Variants in RASEF observed in about 807,000 individuals in gnomAD.
The protein encoded by RASEF is RAS and EF-hand domain containing, also known as ras and EF-hand domain-containing protein.
RASEF carries 68 observed loss-of-function variants against 90.1 expected under a neutral mutation model. The ratio of observed to expected loss-of-function variants is 0.75; its 90% confidence interval spans 0.62 to 0.92. The LOEUF (loss-of-function observed/expected upper bound fraction) is 0.92. Ranked by LOEUF, RASEF falls within the 40% of genes least tolerant of loss-of-function variation. The probability of loss-of-function intolerance (pLI) is 0.00; values close to 1 mark genes in which losing one functional copy is unlikely to be tolerated. For missense variants in RASEF, 949 were observed against 937.2 expected, an observed-to-expected ratio of 1.01 and a Z score of -0.16; for synonymous variants, 331 against 345.2, an observed-to-expected ratio of 0.96 and a Z score of 0.46.
the RASEF span, among the ~76,000 whole-genome samples, chr9:83,189,966 A>G: frequency 5.9e-5 from 9 of 151,940 alleles, no homozygotes; most frequent in Middle Eastern, 3.4e-3. Flanking sequence ...TTCTTCTCTC[A>G]CTCTGGAGTG....
the RASEF span, among the ~76,000 whole-genome samples, chr9:83,165,141 C>T: frequency 6.6e-6 from 1 of 152,042 alleles, no homozygotes; most frequent in African/African-American, 2.4e-5. Flanking sequence ...ACAACACCAC[C>T]ATCAATTGAC....
the RASEF span, among the ~76,000 whole-genome samples, chr9:83,164,698 A>G: frequency 6.6e-6 from 1 of 151,834 alleles, no homozygotes; most frequent in South Asian, 2.1e-4. Flanking sequence ...TAATATCAGT[A>G]ACTTTAAACA....
chr9:83,100,221 TG>T, the RASEF span, among the ~76,000 whole-genome samples: 2 of 152,222 alleles, frequency 1.3e-5, no homozygotes, highest in Admixed American at 6.5e-5. Flanking sequence ...CAACTTTTAA[TG>T]AATAACTTCT....
At chr9:83,171,200 C>T in the RASEF span, among the ~76,000 whole-genome samples, 9 of 151,560 alleles carry the variant, frequency 5.9e-5, no homozygotes, top group Admixed American at 5.9e-4. Context: ...ATATTTTGCC[C>T]TTGATTCTAT....
chr9:83,061,803 T>C (rs1830204374), intron 1 of RASEF, among the ~76,000 whole-genome samples: 1 of 152,206 alleles, frequency 6.6e-6, no homozygotes, highest in Admixed American at 6.5e-5. Flanking sequence ...GGGTCAAATC[T>C]CTGCTGTTTA....
At chr9:83,039,428 G>A (rs1189526996) in intron 1 of RASEF, among the ~76,000 whole-genome samples, 5 of 152,158 alleles carry the variant, frequency 3.3e-5, no homozygotes, top group African/African-American at 9.7e-5. Context: ...AGGGCTCAAC[G>A]TGAACTGATG....
Position 82,982,399 on chromosome 9 carries a change from C to CTT in RASEF, c.*276_*277dup, listed in dbSNP as rs200364661. On this transcript the variant is annotated 3_prime_UTR_variant, in exon 17 of 17. Transcript: ENST00000376447. ...CTGAGCATGTGATTTCTTTTCTTTTCTTTTTTTTTACCATTTTAAAAACAT... is the reference window on the plus strand; with the variant it reads ...CTGAGCATGTGATTTCTTTTCTTTTCTTTTTTTTTTTACCATTTTAAAAACAT... 3.9e-5 allele frequency: 7 copies of CTT among 177,866 alleles called. No homozygotes were observed. The highest frequency in any genetic ancestry group is 1.1e-4 in the African/African-American group (4 of 37,062). 11.0% of individuals were successfully genotyped at this position (177,866 alleles called of 1,614,324 possible).
chr9:83,123,435 A>T, the RASEF span, among the ~76,000 whole-genome samples: 1 of 152,100 alleles, frequency 6.6e-6, no homozygotes, highest in East Asian at 1.9e-4. Context: ...CCCATCTAAC[A>T]CTGGGGATAC....
the RASEF span, among the ~76,000 whole-genome samples, chr9:83,206,091 C>T: frequency 6.6e-6 from 1 of 152,154 alleles, no homozygotes; most frequent in Non-Finnish European, 1.5e-5. Context: ...ATATTATAAG[C>T]ATATTTTAAT....
At chr9:83,073,574 C>A in the RASEF span, among the ~76,000 whole-genome samples, 3 of 152,190 alleles carry the variant, frequency 2.0e-5, no homozygotes, top group African/African-American at 7.2e-5. Context: ...TGAGAAAGAA[C>A]CCTATGTGAT....
At chr9:83,046,792 G>A (rs1381896710) in intron 1 of RASEF, among the ~76,000 whole-genome samples, 1 of 152,116 alleles carries the variant, frequency 6.6e-6, no homozygotes, top group Non-Finnish European at 1.5e-5. Context: ...AGGCAGATGG[G>A]CAACAAATCA....
At chr9:83,147,270 G>T in the RASEF span, among the ~76,000 whole-genome samples, 1 of 152,126 alleles carries the variant, frequency 6.6e-6, no homozygotes, top group African/African-American at 2.4e-5. Flanking sequence ...TGCTGCTAAT[G>T]ACATGACTCT....
chr9:83,069,042 T>C, the RASEF span, among the ~76,000 whole-genome samples: 4 of 151,972 alleles, frequency 2.6e-5, no homozygotes, highest in Admixed American at 2.6e-4. Context: ...CAAATATTAC[T>C]GTAGAGAAGA....
chr9:83,006,108 A>G (rs1363693957), intron 7 of RASEF, among the ~76,000 whole-genome samples: 1 of 152,208 alleles, frequency 6.6e-6, no homozygotes, highest in Non-Finnish European at 1.5e-5. Context: ...CCTACACCAC[A>G]GAGTGGCTAA....
the RASEF span, among the ~76,000 whole-genome samples, chr9:83,203,324 G>A: frequency 6.6e-6 from 1 of 151,000 alleles, no homozygotes. Flanking sequence ...CACCCGGGCT[G>A]CAGTGCAGTG....
chr9:83,112,468 T>C, the RASEF span, among the ~76,000 whole-genome samples: 3,816 of 152,274 alleles, frequency 0.025, 61 homozygotes, highest in Non-Finnish European at 0.037. Flanking sequence ...GTGAATCACC[T>C]GAGGTTGGGA....
the RASEF span, among the ~76,000 whole-genome samples, chr9:83,078,556 T>C: frequency 6.6e-6 from 1 of 151,716 alleles, no homozygotes; most frequent in Non-Finnish European, 1.5e-5. Flanking sequence ...CCCAGCTACC[T>C]GGGAAGCTGA....
the RASEF span, among the ~76,000 whole-genome samples, chr9:83,086,796 T>C: frequency 1.3e-5 from 2 of 151,814 alleles, no homozygotes; most frequent in South Asian, 2.1e-4. Flanking sequence ...GAGGAAGTGA[T>C]GAGAGAGAGA....
chr9:83,046,383 CT>C (rs947903113), intron 1 of RASEF, among the ~76,000 whole-genome samples: 5 of 152,126 alleles, frequency 3.3e-5, no homozygotes, highest in Admixed American at 2.6e-4. Context: ...ACCATTCCTA[CT>C]TTTTTTTCCA....
Sources: allele counts gnomAD v4.1 joint callset (sites outside exome capture counted in the v4.1 genomes callset), GRCh38; gene constraint gnomAD v4.1.1; transcripts MANE v1.5; gene names NCBI Gene and HGNC (gene_info 2026-07-23, HGNC 2026-07-21).